Variants in CHRNE observed in about 807,000 individuals in gnomAD.
CHRNE encodes cholinergic receptor nicotinic epsilon subunit.
A neutral mutation model predicts 56.5 loss-of-function variants in CHRNE; 58 were observed. The observed-to-expected ratio is 1.03, with a 90% confidence interval of 0.83 to 1.28. The LOEUF (loss-of-function observed/expected upper bound fraction) is 1.28. Ranked by LOEUF, CHRNE falls within the 50% of genes most tolerant of loss-of-function variation. The pLI, the probability that CHRNE is intolerant of heterozygous loss-of-function variation, is 0.00. For missense variants in CHRNE, 793 were observed against 688.9 expected (o/e 1.15, Z -1.69); for synonymous variants, 385 against 297.9 (o/e 1.29, Z -3.01).
intron 6 of CHRNE, 144 bp from the exon 7 acceptor site, chr17:4,901,334 T>C: frequency 1.0e-6 from 1 of 997,660 alleles, no homozygotes; most frequent in Non-Finnish European, 1.5e-6. Context: ...AAGGGCATTC[T>C]CGTTGAGGGT....
intron 6 of CHRNE, 162 bp from the exon 7 acceptor site, chr17:4,901,352 G>T: frequency 2.1e-6 from 2 of 959,292 alleles, no homozygotes; most frequent in Non-Finnish European, 3.2e-6. Context: ...GGTATGGAAA[G>T]CCAGAAGGCA....
upstream of CHRNE, among the ~76,000 whole-genome samples, chr17:4,903,853 TCC>T (rs748252570): frequency 2.0e-4 from 31 of 152,222 alleles, no homozygotes; most frequent in South Asian, 1.5e-3. Context: ...CTTTTGATGT[TCC>T]TTTTTAAAAA....
chr17:4,899,713 C>T (rs762331553), intron 8 of CHRNE, 131 bp from the exon 9 acceptor site: 1 of 1,517,646 alleles, frequency 6.6e-7, no homozygotes, highest in South Asian at 1.2e-5. Flanking sequence ...CCCTACACGA[C>T]GACAGACGCG....
rs200473812 is a variant in CHRNE, at chr17:4,901,892, C to A, written c.500+40G>T. The A allele has an allele frequency of 2.4e-4, 389 of 1,606,670 alleles. 4 individuals are homozygous for A. Among genetic ancestry groups the A allele is most frequent in the South Asian group, 9.0e-4 (82 of 90,860 alleles). ...TGGCCCCGCCCCATAAGGCCCCCCC[C>A]CAACAATAATCGTCCGGGCCTCGGA... On this transcript the variant is annotated intron_variant, in intron 5 of 11. Coordinates refer to ENST00000649488, the MANE Select transcript of CHRNE (RefSeq NM_000080.4).
At chr17:4,908,009 T>C (rs1246263651), upstream of CHRNE, among the ~76,000 whole-genome samples, 2 of 151,992 alleles carry the variant, frequency 1.3e-5, no homozygotes, top group Non-Finnish European at 2.9e-5. Context: ...ACCCCGTCTC[T>C]ACTAAAGATA....
Position 4,899,865 on chromosome 17 carries a change from C to T in CHRNE, c.918-283G>A. On this transcript the variant is annotated intron_variant, in intron 8 of 11. Transcript: ENST00000649488. The stretch of plus-strand genomic sequence containing the variant: ...CCCGCCAAGGGCTGCACCTCGAGAC[C>T]TTCTGGGTAGGTCTCCTGTTCGCCC... 3 of 1,549,952 alleles carry T rather than the reference C, an allele frequency of 1.9e-6. No homozygotes were observed. In the South Asian group the frequency reaches 3.6e-5, roughly 18 times the overall value.
rs1232370464 is a variant in CHRNE, at chr17:4,899,452, C to A, written c.1032+16G>T. ...CCCCACCCCGACCCGGGCTGCACCGCCCCCTCCGCGCTTACGTGGCGCAGC... is the reference window on the plus strand; with the variant it reads ...CCCCACCCCGACCCGGGCTGCACCGACCCCTCCGCGCTTACGTGGCGCAGC... On this transcript the variant is annotated intron_variant, in intron 9 of 11. Coordinates refer to ENST00000649488, the MANE Select transcript of CHRNE (RefSeq NM_000080.4). 1 of 1,570,214 alleles carries A rather than the reference C, an allele frequency of 6.4e-7. No homozygotes were observed. Among genetic ancestry groups the A allele is most frequent in the Admixed American group, 1.9e-5 (1 of 53,128 alleles).
rs777995077 is a variant in CHRNE at position 4,899,437 on chromosome 17, A to AC, written c.1032+30dup. On this transcript the variant is annotated intron_variant, in intron 9 of 11. Transcript: ENST00000649488. ...GAGGTTAGTACGAAGCCCCACCCCGACCCGGGCTGCACCGCCCCCTCCGCG... is the reference window on the plus strand; with the variant it reads ...GAGGTTAGTACGAAGCCCCACCCCGACCCCGGGCTGCACCGCCCCCTCCGCG... 5.8e-6 allele frequency: 9 copies of AC among 1,556,202 alleles called. No individual in the cohort carries two copies. The East Asian group carries it at 1.9e-4, about 33-fold the overall frequency.
chr17:4,900,020 C>T (rs1409454890), intron 8 of CHRNE: 1 of 1,551,510 alleles, frequency 6.4e-7, no homozygotes, highest in African/African-American at 1.4e-5. Context: ...GTTCAGAGAG[C>T]TGAAGTCCCT....
At position 4,898,347 on chromosome 17, in the gene CHRNE, A is replaced by G. The variant is rs1969792558; in HGVS notation, c.*389T>C. ...GGGAAGAAGAGGGTTTCCTGGCTAC[A>G]GCCTCCCTGTGTGCAAGTCCTGCAA... On this transcript the variant is annotated 3_prime_UTR_variant, in exon 12 of 12. Transcript: ENST00000649488. The G allele has an allele frequency of 6.5e-6, 2 of 309,978 alleles. No homozygotes were observed. Among genetic ancestry groups the G allele is most frequent in the Non-Finnish European group, 1.3e-5 (2 of 158,952 alleles). 19.2% of individuals were successfully genotyped at this position (309,978 alleles called of 1,614,324 possible). A position where few individuals can be genotyped will look rare whatever the true frequency, so the allele number is the denominator to read the frequency against.
Position 4,898,792 on chromosome 17 carries a change from C to T in CHRNE, c.1426G>A (p.Gly476Arg). Residue 476 changes from glycine to arginine, a missense_variant, in exon 12 of 12, where the codon GGG (glycine) becomes AGG (arginine). Gly to Arg is a moderately radical substitution (Grantham distance 125). Transcript: ENST00000649488. Reference sequence around the variant, plus strand: ...TCAGGCACTCGGTTGAAGTAGGCCCCGAGGAAGATGAGGCTGGAGCCCACG... The same window carrying T: ...TCAGGCACTCGGTTGAAGTAGGCCCTGAGGAAGATGAGGCTGGAGCCCACG... Reference protein sequence around the residue: ...FSVGSSLIFLGAYFNRVPDLP... With the variant: ...FSVGSSLIFLRAYFNRVPDLP... 1.2e-6 allele frequency: 2 copies of T among 1,608,700 alleles called. No individual in the cohort carries two copies. The highest frequency in any genetic ancestry group is 1.7e-6 in the Non-Finnish European group (2 of 1,178,110).
At chr17:4,903,467 C>T (rs1970045777), upstream of CHRNE, among the ~76,000 whole-genome samples, 2 of 152,160 alleles carry the variant, frequency 1.3e-5, no homozygotes, top group African/African-American at 2.4e-5. Flanking sequence ...GGATGTGACA[C>T]ACCCCTTGCC....
In CHRNE at chr17:4,899,135, T is replaced by C. The variant is rs561427473; in HGVS notation, c.1220-28A>G. ...GGCGGGGAAAACACCGGGGTGGGCC[T>C]TAGGAGCCTCCCCCCTGGCAGGCAC... On this transcript the variant is annotated intron_variant, in intron 10 of 11. Transcript: ENST00000649488. The C allele has an allele frequency of 5.5e-5, 88 of 1,599,458 alleles. 1 individual carries two copies. In the South Asian group the frequency reaches 9.4e-4, roughly 17 times the overall value.
intron 6 of CHRNE, 137 bp from the exon 7 acceptor site, chr17:4,901,327 G>A: frequency 1.9e-6 from 2 of 1,042,330 alleles, no homozygotes; most frequent in South Asian, 2.7e-5. Context: ...GACAGAAAAG[G>A]GCATTCTCGT....
chr17:4,903,871 T>TAA (rs1567640888), upstream of CHRNE, among the ~76,000 whole-genome samples: 7 of 151,524 alleles, frequency 4.6e-5, no homozygotes, highest in Non-Finnish European at 1.0e-4. Context: ...AAAAAAAATT[T>TAA]TTTTGAGACC....
At chr17:4,901,745 G>T (rs1969993158) in intron 5 of CHRNE, 120 bp from the exon 6 acceptor site, 1 of 1,249,380 alleles carries the variant, frequency 8.0e-7, no homozygotes, top group Non-Finnish European at 1.1e-6. Context: ...CTTCACCCAA[G>T]CCCAGCCCGC....
rs121909514 is a variant in CHRNE at position 4,901,932 on chromosome 17, C to A, written c.500G>T (p.Arg167Leu). Residue 167 changes from arginine to leucine, a missense_variant and splice_region_variant, in exon 5 of 12, where the codon CGC becomes CTC. Transcript: ENST00000649488. ...FDWQNCSLIFRSQTYNAEEVE... is the reference protein window; with the variant it reads ...FDWQNCSLIFLSQTYNAEEVE... ...CGGGCCTCGGAGTAGCTCTTCCCAC[C>A]GGAAAATAAGCGAACAGTTCTGCCA... 3.1e-6 allele frequency: 5 copies of A among 1,613,286 alleles called. No homozygotes were observed. Among genetic ancestry groups the A allele is most frequent in the South Asian group, 1.1e-5 (1 of 91,062 alleles).
In CHRNE at chr17:4,902,168, G is replaced by A. The variant is rs775810618; in HGVS notation, c.344+49C>T. ...CCCCTTCCCCAACCAAGTCCAGCCC[G>A]CACCCCAGGCCGGCTTCCCTCCAGC... On this transcript the variant is annotated intron_variant, in intron 4 of 11. Coordinates refer to ENST00000649488, the MANE Select transcript of CHRNE (RefSeq NM_000080.4). This position sits in a 1 kb window ranked among gnomAD's most constrained non-coding sequence, Gnocchi z 4.0. 5.3e-5 allele frequency: 86 copies of A among 1,613,230 alleles called. No homozygotes were observed. The highest frequency in any genetic ancestry group is 6.8e-5 in the Non-Finnish European group (80 of 1,179,348).
At chr17:4,900,516 G>A (rs1567638055) in intron 8 of CHRNE, 1 of 1,550,868 alleles carries the variant, frequency 6.4e-7, no homozygotes, top group East Asian at 2.4e-5. Flanking sequence ...GGTGAGCTCA[G>A]GACACGGGGT....
Sources: allele counts gnomAD v4.1 joint callset (sites outside exome capture counted in the v4.1 genomes callset), GRCh38; gene constraint gnomAD v4.1.1; non-coding constraint Gnocchi (gnomAD v3.1); transcripts MANE v1.5; gene names NCBI Gene and HGNC (gene_info 2026-07-23, HGNC 2026-07-21).